Variants in LYST observed in about 807,000 individuals in gnomAD.
LYST encodes the protein lysosomal-trafficking regulator.
LYST carries 192 observed loss-of-function variants against 413.6 expected under a neutral mutation model. That is an observed-to-expected ratio of 0.46 (90% CI 0.41 to 0.52). The LOEUF (loss-of-function observed/expected upper bound fraction) is 0.52. Among genes scored for constraint, LYST ranks in the 20% least tolerant of loss-of-function variants. The probability of loss-of-function intolerance (pLI) is 0.00; values close to 1 mark genes in which losing one functional copy is unlikely to be tolerated. For missense variants in LYST, 3,815 were observed against 4,499.9 expected (o/e 0.85, Z 4.35); for synonymous variants, 1,525 against 1,567.3 (o/e 0.97, Z 0.64).
intron 21 of LYST, among the ~76,000 whole-genome samples, chr1:235,763,146 GTTA>G (rs1167414997): frequency 5.9e-5 from 9 of 152,092 alleles, no homozygotes; most frequent in Middle Eastern, 6.8e-3. Context: ...ACTTTTATAT[GTTA>G]TTATCATCTC....
chr1:235,767,267 T>C (rs1243779822), intron 20 of LYST, among the ~76,000 whole-genome samples: 1 of 152,132 alleles, frequency 6.6e-6, no homozygotes, highest in Non-Finnish European at 1.5e-5. Context: ...CTACATCCAC[T>C]CTTCATTTAC....
Position 235,791,866 on chromosome 1 carries a change from G to A in LYST, c.4376C>T (p.Pro1459Leu), listed in dbSNP as rs761244658. Residue 1459 changes from proline to leucine, a missense_variant, in exon 12 of 53, where the codon CCG (proline) becomes CTG (leucine). This residue lies in a region of LYST where 1,648 missense variants were observed against 1,810.3 expected (regional missense o/e 0.91). Transcript: ENST00000389793. Reference sequence around the variant, plus strand: ...TGGCCAGCAGTTTTGCCCCAGCAACGGCAGGTGGACTGGGGCTATGTGCCA... The same window carrying A: ...TGGCCAGCAGTTTTGCCCCAGCAACAGCAGGTGGACTGGGGCTATGTGCCA... ...SSWHIAPVHL[P>L]LLGQNCWPHL... 5 of 1,614,042 alleles carry A rather than the reference G, an allele frequency of 3.1e-6. No homozygotes were observed. The highest frequency in any genetic ancestry group is 1.7e-5 in the Admixed American group (1 of 60,006).
upstream of LYST, among the ~76,000 whole-genome samples, chr1:235,867,327 T>C (rs559399945): frequency 2.6e-5 from 4 of 152,292 alleles, no homozygotes; most frequent in East Asian, 7.7e-4. Context: ...ACTGTCAACC[T>C]GTCCCATTGT....
Position 235,809,483 on chromosome 1 carries a change from A to C in LYST, c.1335T>G (p.Phe445Leu). Residue 445 changes from phenylalanine (F) to leucine (L), a missense_variant, in exon 5 of 53, where the codon TTT becomes TTG. By Grantham distance (22) the Phe-to-Leu change is conservative (BLOSUM62 0). Coordinates refer to ENST00000389793, the MANE Select transcript of LYST (RefSeq NM_000081.4). The surrounding 1 kb of genome is among the most constrained non-coding windows in gnomAD (Gnocchi z 4.0). ...EFIQHHGFNL[F>L]ETAVLQMEWL... is the part of the protein sequence containing the mutation. ...ATTCCATTTGAAGAACTGCTGTTTC[A>C]AATAAATTAAATCCATGATGCTGAA... 1 of 1,614,054 alleles carries C rather than the reference A, an allele frequency of 6.2e-7. No individual in the cohort carries two copies. Among genetic ancestry groups the C allele is most frequent in the Non-Finnish European group, 8.5e-7 (1 of 1,179,980 alleles).
intron 49 of LYST, 123 bp downstream of exon 49, chr1:235,677,357 A>T: frequency 3.3e-6 from 4 of 1,195,952 alleles, no homozygotes; most frequent in Non-Finnish European, 4.9e-6. Flanking sequence ...TACTACCTTT[A>T]AGCATGTGTT....
intron 22 of LYST, among the ~76,000 whole-genome samples, chr1:235,760,122 G>C (rs1175713757): frequency 6.6e-6 from 1 of 152,116 alleles, no homozygotes; most frequent in Non-Finnish European, 1.5e-5. Context: ...CAGTTACCAG[G>C]ATGTAGTGGA....
chr1:235,738,283 C>T (rs967260257), intron 31 of LYST: 29 of 1,611,444 alleles, frequency 1.8e-5, no homozygotes, highest in African/African-American at 4.0e-5. Context: ...GTCACTATCA[C>T]GGCTGAGGCA....
At chr1:235,765,853 T>TA (rs1314973159) in intron 21 of LYST, among the ~76,000 whole-genome samples, 10 of 151,824 alleles carry the variant, frequency 6.6e-5, no homozygotes, top group Non-Finnish European at 1.5e-4. Flanking sequence ...TTTTTTTTTT[T>TA]ACTGTAGTTA....
intron 17 of LYST, among the ~76,000 whole-genome samples, chr1:235,776,666 A>T (rs1432812851): frequency 6.6e-6 from 1 of 150,562 alleles, no homozygotes; most frequent in Non-Finnish European, 1.5e-5. Context: ...TTTTGAAAAA[A>T]CTCCAAACCC....
At chr1:235,875,392 G>A (rs928556350) in intron 1 of LYST, among the ~76,000 whole-genome samples, 4 of 152,118 alleles carry the variant, frequency 2.6e-5, no homozygotes, top group African/African-American at 4.8e-5. Flanking sequence ...AATATCCTGG[G>A]ACAAATATCT....
chr1:235,871,989 T>G (rs1680944663), intron 1 of LYST, among the ~76,000 whole-genome samples: 1 of 152,148 alleles, frequency 6.6e-6, no homozygotes, highest in South Asian at 2.1e-4. Context: ...ACAAATTTAT[T>G]TAATCAGAGT....
intron 3 of LYST, among the ~76,000 whole-genome samples, chr1:235,817,579 G>A (rs1674302212): frequency 1.3e-5 from 2 of 152,130 alleles, no homozygotes; most frequent in African/African-American, 4.8e-5. Flanking sequence ...ATGGATGGAC[G>A]CTGAGGTCAT....
In LYST at chr1:235,863,593, C is replaced by T. The variant is rs72763437; in HGVS notation, c.-98+3250G>A. Among the ~76,000 whole-genome samples the T allele has an allele frequency of 6.4e-3, 973 of 151,940 alleles. 5 individuals are homozygous for T. The highest frequency in any genetic ancestry group is 0.013 in the South Asian group (61 of 4,794). ...CTGAAATTCCAGACTATATGGCTCT[C>T]TCTACAACCGAAGCTAACAAACACA... is the stretch of plus-strand genomic sequence containing the variant. On this transcript the variant is annotated intron_variant, in intron 1 of 52. Coordinates refer to ENST00000389793, the MANE Select transcript of LYST (RefSeq NM_000081.4).
At chr1:235,829,238 A>T (rs778265651) in intron 3 of LYST, among the ~76,000 whole-genome samples, 1 of 152,176 alleles carries the variant, frequency 6.6e-6, no homozygotes, top group Non-Finnish European at 1.5e-5. Flanking sequence ...TGTCCTGAAA[A>T]TTCCATGACA....
chr1:235,784,652 CT>C, intron 14 of LYST, among the ~76,000 whole-genome samples: 1 of 152,216 alleles, frequency 6.6e-6, no homozygotes, highest in Admixed American at 6.5e-5. Context: ...AATATACCTA[CT>C]TTATAGTATT....
Position 235,728,201 on chromosome 1 carries a change from G to A in LYST, c.9107-70C>T, listed in dbSNP as rs1010236128. The A allele has an allele frequency of 2.4e-5, 26 of 1,063,862 alleles. No homozygotes were observed. The Admixed American group carries it at 4.4e-4, about 18-fold the overall frequency. The allele number at this position is 1,063,862 out of a possible 1,614,324, so 65.9% of individuals were successfully genotyped here. On this transcript the variant is annotated intron_variant, in intron 37 of 52. Coordinates refer to ENST00000389793, the MANE Select transcript of LYST (RefSeq NM_000081.4). ...CACTACCATTCATGGTTTAATGCAT[G>A]GTCTCTGGAGTCCTTTGGTCTGAAT...
At chr1:235,736,804 T>C (rs920564715) in intron 31 of LYST, 2 of 151,908 alleles carry the variant, frequency 1.3e-5, no homozygotes, top group African/African-American at 4.8e-5. Context: ...AATATTTACA[T>C]GTGTAAATAC....
intron 47 of LYST, among the ~76,000 whole-genome samples, chr1:235,691,918 G>T (rs1023210114): frequency 3.3e-5 from 5 of 150,932 alleles, no homozygotes; most frequent in African/African-American, 1.2e-4. Flanking sequence ...GGCTGGTCTC[G>T]AACTCCTGAC....
chr1:235,721,854 T>G (rs1032071007), intron 39 of LYST, among the ~76,000 whole-genome samples: 15 of 152,246 alleles, frequency 9.9e-5, no homozygotes, highest in Non-Finnish European at 1.9e-4. Flanking sequence ...TTCAAAATTC[T>G]GAAGAACTGG....
Sources: gnomAD v4.1 joint callset for allele counts (sites outside exome capture counted in the v4.1 genomes callset) on GRCh38, gnomAD v4.1.1 for gene constraint, gnomAD v4.1.1 regional missense constraint, Gnocchi (gnomAD v3.1) non-coding constraint, MANE v1.5 for transcripts, NCBI Gene and HGNC (gene_info 2026-07-23, HGNC 2026-07-21) for gene names.